The following NTN1 variants were observed in gnomAD, a reference collection of about 807,000 sequenced individuals.
The protein encoded by NTN1 is netrin 1, also known as netrin-1.
A neutral mutation model predicts 54.2 loss-of-function variants in NTN1; 11 were observed. That is an observed-to-expected ratio of 0.20 (90% CI 0.13 to 0.34). NTN1 has a LOEUF of 0.34. Ranked by LOEUF, NTN1 falls within the 10% of genes least tolerant of loss-of-function variation. NTN1 has a pLI of 1.00. For missense variants in NTN1, 740 were observed against 893.1 expected, an observed-to-expected ratio of 0.83 and a Z score of 2.18; for synonymous variants, 371 against 382.0, an observed-to-expected ratio of 0.97 and a Z score of 0.33.
At chr17:9,075,775 C>A (rs569496853) in intron 2 of NTN1, among the ~76,000 whole-genome samples, 2 of 152,252 alleles carry the variant, frequency 1.3e-5, no homozygotes, top group East Asian at 3.9e-4. Flanking sequence ...CCAGTCCCAG[C>A]GCTGCAGGGA....
chr17:9,083,815 T>G (rs1422243044), intron 2 of NTN1, among the ~76,000 whole-genome samples: 3 of 152,210 alleles, frequency 2.0e-5, no homozygotes, highest in Admixed American at 1.3e-4. Context: ...CACAAACCCA[T>G]GTAATTCAAG....
chr17:9,085,923 T>A (rs1185577147), intron 2 of NTN1, among the ~76,000 whole-genome samples: 1 of 152,110 alleles, frequency 6.6e-6, no homozygotes, highest in Non-Finnish European at 1.5e-5. Flanking sequence ...TCCTCTCCTC[T>A]TGCCTGGCTC....
chr17:9,099,051 T>C (rs1449454763), intron 2 of NTN1, among the ~76,000 whole-genome samples: 1 of 152,252 alleles, frequency 6.6e-6, no homozygotes, highest in Non-Finnish European at 1.5e-5. Context: ...CCTGGGCTTT[T>C]CATTTGCTAT....
the NTN1 span, among the ~76,000 whole-genome samples, chr17:9,015,481 AC>A: frequency 6.6e-6 from 1 of 151,908 alleles, no homozygotes; most frequent in Non-Finnish European, 1.5e-5. Context: ...AGACAAAGGC[AC>A]CCCCGGCCAC....
chr17:9,130,281 C>A (rs1034308619), intron 2 of NTN1, among the ~76,000 whole-genome samples: 1 of 152,156 alleles, frequency 6.6e-6, no homozygotes, highest in Non-Finnish European at 1.5e-5. Flanking sequence ...GGCCAGCTCT[C>A]TGTGTCCCTG....
At chr17:9,018,996 C>T (rs2091837763), upstream of NTN1, among the ~76,000 whole-genome samples, 1 of 152,200 alleles carries the variant, frequency 6.6e-6, no homozygotes, top group Admixed American at 6.5e-5. Context: ...TTCCCTTGAG[C>T]AGTAGGTCTG....
At chr17:9,008,913 T>A in the NTN1 span, among the ~76,000 whole-genome samples, 2 of 152,168 alleles carry the variant, frequency 1.3e-5, no homozygotes, top group Admixed American at 1.3e-4. Flanking sequence ...TGGTGGTGGA[T>A]GCCTGTAGTC....
chr17:9,091,986 G>A (rs1330058651), intron 2 of NTN1, among the ~76,000 whole-genome samples: 3 of 151,874 alleles, frequency 2.0e-5, no homozygotes, highest in East Asian at 3.9e-4. Flanking sequence ...TGACTCCCGG[G>A]TTCAAGCGAT....
intron 2 of NTN1, among the ~76,000 whole-genome samples, chr17:9,098,689 G>C (rs1231883151): frequency 6.6e-6 from 1 of 152,170 alleles, no homozygotes; most frequent in African/African-American, 2.4e-5. Flanking sequence ...CCAGTAGCTG[G>C]GGTGTGGAGA....
At chr17:9,215,498 T>C (rs1425041243) in intron 5 of NTN1, among the ~76,000 whole-genome samples, 3 of 152,136 alleles carry the variant, frequency 2.0e-5, no homozygotes, top group Admixed American at 6.5e-5. Context: ...CTCTTACTTT[T>C]GACTCATTTC....
Position 9,102,531 on chromosome 17 carries a change from G to C in NTN1, c.1019-60282G>C, listed in dbSNP as rs1178241397. 4.6e-5 allele frequency among the ~76,000 whole-genome samples: 7 copies of C among 152,302 alleles called. No homozygotes were observed. The South Asian group carries it at 8.3e-4, about 18-fold the overall frequency. On this transcript the variant is annotated intron_variant, in intron 2 of 6. Coordinates refer to ENST00000173229, the MANE Select transcript of NTN1 (RefSeq NM_004822.3). ...TTATGGGAACGACAATTCAAGATGA[G>C]ATTTGAGTGTAGACACAGCCAAACC...
intron 2 of NTN1, among the ~76,000 whole-genome samples, chr17:9,092,969 A>C (rs2092117610): frequency 6.6e-6 from 1 of 152,168 alleles, no homozygotes; most frequent in Non-Finnish European, 1.5e-5. Context: ...TGCGTTAGCC[A>C]GGATGGTCTC....
At position 9,220,699 on chromosome 17, in the gene NTN1, A is replaced by G. The variant is rs144671589; in HGVS notation, c.1412-469A>G. 2.1e-3 allele frequency among the ~76,000 whole-genome samples: 317 copies of G among 152,028 alleles called. 1 individual carries two copies. The highest frequency in any genetic ancestry group is 7.3e-3 in the African/African-American group (302 of 41,474). On this transcript the variant is annotated intron_variant, in intron 5 of 6. Transcript: ENST00000173229. The stretch of plus-strand genomic sequence containing the variant: ...GTTTTTTAATGCTTCATGGGCTGCT[A>G]ATTTCCCCTGTGACCTCTTTTGTTG...
At chr17:9,132,632 T>C (rs769664070) in intron 2 of NTN1, among the ~76,000 whole-genome samples, 13 of 152,028 alleles carry the variant, frequency 8.6e-5, no homozygotes, top group Non-Finnish European at 1.8e-4. Context: ...CCCACCACTT[T>C]GGGGGGCTGA....
rs1292195386 is a variant in NTN1, at chr17:9,212,341, T to C, written c.1412-8827T>C. Among the ~76,000 whole-genome samples, 1 of 152,156 alleles carries C rather than the reference T, an allele frequency of 6.6e-6. No individual in the cohort carries two copies. The highest frequency in any genetic ancestry group is 1.5e-5 in the Non-Finnish European group (1 of 68,024). ...CTGGGGAGTGTGTCCTCCATTCTCA[T>C]CATGCCTCGCGCATGATGGCCCTTA... is the stretch of plus-strand genomic sequence containing the variant. On this transcript the variant is annotated intron_variant, in intron 5 of 6. Transcript: ENST00000173229. This position sits in a 1 kb window ranked among gnomAD's most constrained non-coding sequence, Gnocchi z 5.5.
chr17:9,098,332 G>T (rs568060209), intron 2 of NTN1, among the ~76,000 whole-genome samples: 4 of 152,358 alleles, frequency 2.6e-5, no homozygotes, highest in Admixed American at 1.3e-4. Context: ...AGTGCCTGCA[G>T]CCAGGTGTCC....
chr17:9,195,628 A>C (rs1221526021), intron 5 of NTN1, among the ~76,000 whole-genome samples: 1 of 152,122 alleles, frequency 6.6e-6, no homozygotes, highest in Non-Finnish European at 1.5e-5. Context: ...GCTCGGCCTG[A>C]AACCCCTTGC....
intron 2 of NTN1, among the ~76,000 whole-genome samples, chr17:9,104,533 GA>G (rs1316730839): frequency 6.6e-6 from 1 of 152,168 alleles, no homozygotes; most frequent in Admixed American, 6.5e-5. Flanking sequence ...GGGCAGAGCA[GA>G]GGGGGTCTGG....
chr17:9,124,441 G>A (rs1000102275), intron 2 of NTN1, among the ~76,000 whole-genome samples: 13 of 152,170 alleles, frequency 8.5e-5, no homozygotes, highest in Non-Finnish European at 1.8e-4. Context: ...GTGGGAAGCC[G>A]GCTGGGTGGT....
Sources: gnomAD v4.1 joint callset for allele counts (sites outside exome capture counted in the v4.1 genomes callset) on GRCh38, gnomAD v4.1.1 for gene constraint, Gnocchi (gnomAD v3.1) non-coding constraint, MANE v1.5 for transcripts, NCBI Gene and HGNC (gene_info 2026-07-23, HGNC 2026-07-21) for gene names.